Variants in CPEB3 observed in about 807,000 individuals in gnomAD.
The protein encoded by CPEB3 is cytoplasmic polyadenylation element-binding protein 3.
A neutral mutation model predicts 67.2 loss-of-function variants in CPEB3; 20 were observed. That is an observed-to-expected ratio of 0.30 (90% CI 0.21 to 0.43). The LOEUF is 0.43. Among genes scored for constraint, CPEB3 ranks in the 20% least tolerant of loss-of-function variants. The pLI is 1.00. For missense variants in CPEB3, 746 were observed against 968.6 expected, an observed-to-expected ratio of 0.77 and a Z score of 3.05; for synonymous variants, 376 against 393.1, an observed-to-expected ratio of 0.96 and a Z score of 0.51.
Position 92,240,136 on chromosome 10 carries a change from T to G in CPEB3, c.215A>C (p.Gln72Pro). 6.4e-7 allele frequency: 1 copy of G among 1,570,364 alleles called. No individual in the cohort carries two copies. Among genetic ancestry groups the G allele is most frequent in the Non-Finnish European group, 8.6e-7 (1 of 1,157,438 alleles). The change falls in exon 2 of 10, where the codon CAG becomes CCG. Residue 72 changes from glutamine (Q) to proline (P), a missense_variant. Physicochemically the swap from Gln to Pro is moderately conservative, Grantham distance 76 (BLOSUM62 -1). Around this residue, in one of 2 missense-constraint regions of CPEB3, gnomAD observed 643 missense variants for 717.5 expected, o/e 0.90. Coordinates refer to ENST00000265997, the MANE Select transcript of CPEB3 (RefSeq NM_014912.5). ...PPAPNGPDKM[Q>P]MESPLLPGLS... ...GCCTGGCAGGAGCGGTGATTCCATC[T>G]GCATCTTGTCCGGGCCGTTGGGGGC...
At chr10:92,205,673 C>T (rs751962886) in intron 2 of CPEB3, among the ~76,000 whole-genome samples, 1 of 151,780 alleles carries the variant, frequency 6.6e-6, no homozygotes, top group Non-Finnish European at 1.5e-5. Context: ...GACAGGATTT[C>T]ACCACATTGG....
chr10:92,084,801 G>A (rs1425606137), intron 8 of CPEB3, among the ~76,000 whole-genome samples: 2 of 151,964 alleles, frequency 1.3e-5, no homozygotes, highest in Non-Finnish European at 2.9e-5. Flanking sequence ...GGATGGTCTC[G>A]ATCTCCTGAC....
chr10:92,156,804 C>T (rs1038939692), intron 4 of CPEB3, among the ~76,000 whole-genome samples: 1 of 151,982 alleles, frequency 6.6e-6, no homozygotes, highest in Non-Finnish European at 1.5e-5. Context: ...TGATGAAAAG[C>T]AAAAGGACTG....
chr10:92,079,460 G>T (rs1843057674), intron 9 of CPEB3, among the ~76,000 whole-genome samples: 1 of 152,156 alleles, frequency 6.6e-6, no homozygotes, highest in African/African-American at 2.4e-5. Context: ...CCCATGCTCA[G>T]ATTGCTATGG....
At chr10:92,179,347 C>CA (rs917784772) in intron 4 of CPEB3, among the ~76,000 whole-genome samples, 10 of 152,038 alleles carry the variant, frequency 6.6e-5, no homozygotes, top group African/African-American at 2.4e-4. Context: ...TTTTTTCCCA[C>CA]AAAAAATCAC....
intron 8 of CPEB3, among the ~76,000 whole-genome samples, chr10:92,081,764 T>C (rs965392644): frequency 1.3e-5 from 2 of 152,168 alleles, no homozygotes; most frequent in Non-Finnish European, 2.9e-5. Context: ...AGCAGTAGTA[T>C]AGAAGAAATG....
At chr10:92,130,751 C>A (rs1845810168) in intron 6 of CPEB3, among the ~76,000 whole-genome samples, 1 of 150,872 alleles carries the variant, frequency 6.6e-6, no homozygotes, top group Non-Finnish European at 1.5e-5. Context: ...ACAAACCCTA[C>A]TTCAAATCTG....
intron 7 of CPEB3, among the ~76,000 whole-genome samples, chr10:92,109,786 C>T (rs973084725): frequency 6.6e-6 from 1 of 152,184 alleles, no homozygotes; most frequent in Admixed American, 6.5e-5. Flanking sequence ...AAGTGCTGCA[C>T]TCTCCCCTTT....
chr10:92,142,039 C>CAAAAAAAAA (rs546901334), intron 6 of CPEB3, among the ~76,000 whole-genome samples: 2 of 115,152 alleles, frequency 1.7e-5, no homozygotes, highest in Non-Finnish European at 3.8e-5. Flanking sequence ...CAAATAAAAA[C>CAAAAAAAAA]AAAAAAAAAA....
chr10:92,261,431 C>T (rs1044828697), intron 1 of CPEB3, among the ~76,000 whole-genome samples: 2 of 151,904 alleles, frequency 1.3e-5, no homozygotes, highest in East Asian at 3.9e-4. Flanking sequence ...GAAGGGGTCC[C>T]TTTTTCTGTT....
intron 6 of CPEB3, among the ~76,000 whole-genome samples, chr10:92,132,676 G>A (rs570418504): frequency 5.8e-4 from 89 of 152,148 alleles, no homozygotes; most frequent in Non-Finnish European, 1.1e-3. Flanking sequence ...ACTAATAGAC[G>A]TCTACAGAAC....
At chr10:92,064,011 G>A (rs1842458082) in intron 9 of CPEB3, among the ~76,000 whole-genome samples, 1 of 152,060 alleles carries the variant, frequency 6.6e-6, no homozygotes, top group South Asian at 2.1e-4. Flanking sequence ...GAAAAAAATT[G>A]GCAAAAAATT....
chr10:92,083,781 A>G (rs1351112459), intron 8 of CPEB3, among the ~76,000 whole-genome samples: 2 of 152,228 alleles, frequency 1.3e-5, no homozygotes, highest in African/African-American at 4.8e-5. Context: ...AGGACTCAAT[A>G]AAGTGCCTGA....
chr10:92,111,948 C>T (rs184545264), intron 6 of CPEB3, among the ~76,000 whole-genome samples: 1 of 152,304 alleles, frequency 6.6e-6, no homozygotes, highest in African/African-American at 2.4e-5. Flanking sequence ...CTCTGCTTCT[C>T]TAAGAGATAC....
rs773989412 is a variant in CPEB3 at position 92,239,931 on chromosome 10, C to T, written c.420G>A (p.Pro140=). Residue 140 remains proline (P), a synonymous_variant, in exon 2 of 10, where the codon CCG becomes CCA. Coordinates refer to ENST00000265997, the MANE Select transcript of CPEB3 (RefSeq NM_014912.5). This position sits in a 1 kb window ranked among gnomAD's most constrained non-coding sequence, Gnocchi z 6.0. ...CTCCGAAGACTGGGTTGACATGGTG[C>T]GGGAAGTTCTGGAAGAGCATGGTCC... is the stretch of plus-strand genomic sequence containing the variant. ...VNGTMLFQNF[P]HHVNPVFGGT... is the part of the protein sequence containing the mutation. 1.9e-6 allele frequency: 3 copies of T among 1,613,222 alleles called. No homozygotes were observed. The highest frequency in any genetic ancestry group is 1.1e-5 in the South Asian group (1 of 90,968).
chr10:92,252,524 AC>A (rs1369880372), intron 1 of CPEB3, among the ~76,000 whole-genome samples: 3 of 152,360 alleles, frequency 2.0e-5, no homozygotes, highest in Admixed American at 2.0e-4. Flanking sequence ...CCTGAAAACA[AC>A]CCAAATATCC....
intron 2 of CPEB3, chr10:92,204,331 C>T (rs545423034): frequency 6.6e-6 from 1 of 152,186 alleles, no homozygotes; most frequent in South Asian, 2.1e-4. Context: ...AGGAACTAAG[C>T]AGCAGCTTTT....
intron 1 of CPEB3, among the ~76,000 whole-genome samples, chr10:92,242,256 C>G (rs978535596): frequency 1.3e-5 from 2 of 152,180 alleles, no homozygotes. Context: ...TTCAACCCCC[C>G]CAGGGAAAAA....
chr10:92,151,049 G>T (rs1846944276), intron 4 of CPEB3, among the ~76,000 whole-genome samples: 1 of 152,202 alleles, frequency 6.6e-6, no homozygotes, highest in African/African-American at 2.4e-5. Context: ...TGAATGTGGA[G>T]ATGGCTTAAA....
Sources: allele counts gnomAD v4.1 joint callset (sites outside exome capture counted in the v4.1 genomes callset), GRCh38; gene constraint gnomAD v4.1.1; regional missense constraint gnomAD v4.1.1; non-coding constraint Gnocchi (gnomAD v3.1); transcripts MANE v1.5; gene names NCBI Gene and HGNC (gene_info 2026-07-23, HGNC 2026-07-21).